Variants in PAX8 observed in about 807,000 individuals in gnomAD.
PAX8 encodes paired box 8.
Under a neutral mutation model 52.4 loss-of-function variants are expected in PAX8, and 15 were observed. That is an observed-to-expected ratio of 0.29 (90% CI 0.19 to 0.44). PAX8 has a LOEUF of 0.44. PAX8 is among the 20% of genes least tolerant of loss of function. The pLI, the probability that PAX8 is intolerant of heterozygous loss-of-function variation, is 1.00. For missense variants in PAX8, 554 were observed against 602.5 expected (o/e 0.92, Z 0.84); for synonymous variants, 284 against 249.7 (o/e 1.14, Z -1.29).
intron 2 of PAX8, among the ~76,000 whole-genome samples, chr2:113,261,337 C>T (rs922384814): frequency 7.9e-5 from 12 of 152,118 alleles, no homozygotes; most frequent in African/African-American, 2.9e-4. Flanking sequence ...TGGGACTGCC[C>T]TCAGCCGGGG....
At chr2:113,241,760 G>A in intron 6 of PAX8, 34 bp from the exon 7 acceptor site, 1 of 1,609,718 alleles carries the variant, frequency 6.2e-7, no homozygotes, top group Non-Finnish European at 8.5e-7. Flanking sequence ...AAGCTTTTAG[G>A]GGACCTATCT....
intron 2 of PAX8, among the ~76,000 whole-genome samples, chr2:113,277,667 C>T (rs762560431): frequency 2.0e-5 from 3 of 152,204 alleles, no homozygotes; most frequent in Admixed American, 1.3e-4. Flanking sequence ...CCCTGCCCAG[C>T]CCTGGCCGGG....
intron 2 of PAX8, among the ~76,000 whole-genome samples, chr2:113,276,950 C>T (rs557413710): frequency 3.4e-4 from 52 of 152,342 alleles, no homozygotes; most frequent in African/African-American, 1.1e-3. Context: ...TGTCTGGTAT[C>T]GTACCACGGT....
At chr2:113,246,962 A>C (rs1691374839) in intron 2 of PAX8, 43 bp from the exon 3 acceptor site, 1 of 1,579,814 alleles carries the variant, frequency 6.3e-7, no homozygotes, top group African/African-American at 1.3e-5. Context: ...AGGGTCAGGT[A>C]GGAGTTTGGG....
intron 2 of PAX8, among the ~76,000 whole-genome samples, chr2:113,257,175 T>A (rs1301645886): frequency 6.6e-6 from 1 of 152,150 alleles, no homozygotes; most frequent in Non-Finnish European, 1.5e-5. Flanking sequence ...TTCTCTTCTC[T>A]CTCTTCTAAA....
chr2:113,218,743 G>A (rs916168475), intron 11 of PAX8, 134 bp from the exon 12 acceptor site: 13 of 584,548 alleles, frequency 2.2e-5, no homozygotes, highest in South Asian at 1.4e-4. Flanking sequence ...TCTGATCATC[G>A]AAGATTAACT....
chr2:113,247,513 G>A (rs1225157653), intron 2 of PAX8, among the ~76,000 whole-genome samples: 1 of 148,116 alleles, frequency 6.8e-6, no homozygotes, highest in African/African-American at 2.4e-5. Context: ...TGACCCCCAA[G>A]GTTCCTTCTT....
intron 10 of PAX8, among the ~76,000 whole-genome samples, chr2:113,225,130 C>T (rs1689489658): frequency 1.3e-5 from 2 of 152,142 alleles, no homozygotes; most frequent in Non-Finnish European, 2.9e-5. Flanking sequence ...ATAGTATTAG[C>T]CTCTTAGTCT....
In PAX8 at chr2:113,236,788, G is replaced by A. The variant is rs376101786; in HGVS notation, c.778-67C>T. ...AAGCCGACCTTCCTGCAGACCCTGA[G>A]CCTGTGTCTTAGGACTTGGCAGCCC... is the stretch of plus-strand genomic sequence containing the variant. On this transcript the variant is annotated intron_variant, in intron 7 of 11. Coordinates refer to ENST00000429538, the MANE Select transcript of PAX8 (RefSeq NM_003466.4). The A allele has an allele frequency of 4.2e-5, 64 of 1,529,882 alleles. No homozygotes were observed. In the African/African-American group the frequency reaches 8.6e-4, roughly 21 times the overall value. 94.8% of individuals were successfully genotyped at this position (1,529,882 alleles called of 1,614,324 possible).
At chr2:113,229,780 A>C (rs1689781729) in intron 9 of PAX8, among the ~76,000 whole-genome samples, 1 of 152,218 alleles carries the variant, frequency 6.6e-6, no homozygotes, top group Non-Finnish European at 1.5e-5. Flanking sequence ...CCCTCAGATG[A>C]AGCACCGGCT....
chr2:113,222,346 C>T (rs1689319591), intron 10 of PAX8, among the ~76,000 whole-genome samples: 1 of 152,236 alleles, frequency 6.6e-6, no homozygotes, highest in Admixed American at 6.5e-5. Context: ...TTTACCCTCT[C>T]ATTTTGTCAC....
chr2:113,222,083 G>T (rs1218930589), intron 10 of PAX8, among the ~76,000 whole-genome samples: 1 of 152,202 alleles, frequency 6.6e-6, no homozygotes, highest in East Asian at 1.9e-4. Flanking sequence ...ACATAGGGAA[G>T]TAAAGACATT....
intron 2 of PAX8, among the ~76,000 whole-genome samples, chr2:113,256,654 GTATATA>G (rs759128116): frequency 9.5e-4 from 64 of 67,326 alleles, no homozygotes; most frequent in African/African-American, 4.3e-3. Flanking sequence ...GTGTGTGTGT[GTATATA>G]TATATATAGA....
At chr2:113,241,840 G>C (rs1690874042) in intron 6 of PAX8, 114 bp from the exon 7 acceptor site, 1 of 1,462,712 alleles carries the variant, frequency 6.8e-7, no homozygotes, top group African/African-American at 1.4e-5. Context: ...AAAAGGGCCA[G>C]CCACGTGGGC....
chr2:113,256,775 A>G (rs6725671), intron 2 of PAX8, among the ~76,000 whole-genome samples: 151,707 of 152,190 alleles, frequency 1, 75,614 homozygotes, highest in Non-Finnish European at 1. Context: ...CTATATGGAG[A>G]AGAGAGTCAG....
Position 113,226,722 on chromosome 2 carries a change from C to T in PAX8, c.1189+433G>A, listed in dbSNP as rs563401555. On this transcript the variant is annotated intron_variant, in intron 10 of 11. Coordinates refer to ENST00000429538, the MANE Select transcript of PAX8 (RefSeq NM_003466.4). ...CCCTTCAGATTCAGATTTTACAGAACGGGTAAACTGGGATTCATCAGAGTT... is the reference window on the plus strand; with the variant it reads ...CCCTTCAGATTCAGATTTTACAGAATGGGTAAACTGGGATTCATCAGAGTT... 17 of 1,130,516 alleles carry T rather than the reference C, an allele frequency of 1.5e-5. 1 individual carries two copies. The highest frequency in any genetic ancestry group is 3.9e-4 in the Middle Eastern group (1 of 2,548). The allele number at this position is 1,130,516 out of a possible 1,614,324, so 70.0% of individuals were successfully genotyped here.
At chr2:113,229,110 G>T (rs1209353659) in intron 9 of PAX8, among the ~76,000 whole-genome samples, 2 of 152,160 alleles carry the variant, frequency 1.3e-5, no homozygotes, top group African/African-American at 4.8e-5. Context: ...CAAGCCCAAG[G>T]GGTCAATGAA....
At chr2:113,257,531 C>A (rs1573511275) in intron 2 of PAX8, among the ~76,000 whole-genome samples, 1 of 152,162 alleles carries the variant, frequency 6.6e-6, no homozygotes, top group African/African-American at 2.4e-5. Context: ...CAGAGGGTGG[C>A]TGTGGTGGAA....
chr2:113,255,261 GGGAGGGGAGGAGGGAGGGGAGGA>G, intron 2 of PAX8: 2 of 27,758 alleles, frequency 7.2e-5, no homozygotes, highest in African/African-American at 4.4e-4. Flanking sequence ...GGAGGGAGGA[GGGAGGGGAGGAGGGAGGGGAGGA>G]GGGAGGGAGG....
Sources: gnomAD v4.1 joint callset for allele counts (sites outside exome capture counted in the v4.1 genomes callset) on GRCh38, gnomAD v4.1.1 for gene constraint, MANE v1.5 for transcripts, NCBI Gene and HGNC (gene_info 2026-07-23, HGNC 2026-07-21) for gene names.